SLX9: variants seen among roughly 807,000 people sequenced by gnomAD.
The protein encoded by SLX9 is ribosome biogenesis protein SLX9 homolog.
Under a neutral mutation model 20.8 loss-of-function variants are expected in SLX9, and 19 were observed. The observed-to-expected ratio is 0.91, with a 90% CI of 0.64 to 1.34. SLX9 has a LOEUF of 1.34. Ranked by LOEUF, SLX9 falls within the 40% of genes most tolerant of loss-of-function variation. SLX9 has a pLI of 0.00. For missense variants in SLX9, 299 were observed against 322.2 expected, an observed-to-expected ratio of 0.93 and a Z score of 0.55; for synonymous variants, 113 against 137.1, an observed-to-expected ratio of 0.82 and a Z score of 1.23.
chr21:44,968,753 CT>C lies in SLX9; in HGVS notation c.500+1589del, dbSNP rs35304604. 1.1e-3 allele frequency among the ~76,000 whole-genome samples: 151 copies of C among 132,922 alleles called. 16 individuals are homozygous for C. Among genetic ancestry groups the C allele is most frequent in the Non-Finnish European group, 1.2e-3 (78 of 62,734 alleles). The allele number at this position is 132,922 out of a possible 152,430, so 87.2% of individuals were successfully genotyped here. On this transcript the variant is annotated intron_variant, in intron 4 of 5. Transcript: ENST00000291634. The stretch of plus-strand genomic sequence containing the variant: ...CTCATTCATTTGTGTCATCTCTGTG[CT>C]TTTTTTTTTTTTTTTTGGAGACGGA...
chr21:44,958,711 G>A (rs1427102208), intron 2 of SLX9, among the ~76,000 whole-genome samples: 2 of 152,194 alleles, frequency 1.3e-5, no homozygotes, highest in Non-Finnish European at 2.9e-5. Context: ...TCGTGGGGCC[G>A]CCGCCAGCAG....
rs754429487 is a variant in SLX9 at position 44,943,676 on chromosome 21, G to A, written c.130-8G>A. On this transcript the variant is annotated splice_region_variant and splice_polypyrimidine_tract_variant and intron_variant, in intron 1 of 5. Coordinates refer to ENST00000291634, the MANE Select transcript of SLX9 (RefSeq NM_058190.4). The stretch of plus-strand genomic sequence containing the variant: ...CTTCTTTTCGTCCGTTTTTGTTGGG[G>A]ACATTAGGACTGGGCGTTCATCAAC... 10 of 1,613,056 alleles carry A rather than the reference G, an allele frequency of 6.2e-6. No homozygotes were observed. The highest frequency in any genetic ancestry group is 8.5e-6 in the Non-Finnish European group (10 of 1,179,178).
At chr21:44,946,265 C>T (rs1601374573) in intron 2 of SLX9, among the ~76,000 whole-genome samples, 2 of 150,246 alleles carry the variant, frequency 1.3e-5, no homozygotes, top group Non-Finnish European at 1.5e-5. Context: ...AATTCACATA[C>T]CCTTATTTGT....
intron 2 of SLX9, among the ~76,000 whole-genome samples, chr21:44,952,583 T>G (rs1435368745): frequency 1.3e-5 from 2 of 152,212 alleles, no homozygotes; most frequent in Non-Finnish European, 2.9e-5. Context: ...CAGAGGTCTT[T>G]TGGCCGAGTG....
chr21:44,948,236 C>T lies in SLX9; in HGVS notation c.283+4399C>T, dbSNP rs537610184. 1.0e-3 allele frequency among the ~76,000 whole-genome samples: 152 copies of T among 149,366 alleles called. 1 individual carries two copies. The highest frequency in any genetic ancestry group is 3.7e-3 in the African/African-American group (148 of 40,094). On this transcript the variant is annotated intron_variant, in intron 2 of 5. Coordinates refer to ENST00000291634, the MANE Select transcript of SLX9 (RefSeq NM_058190.4). Reference sequence around the variant, plus strand: ...GTCCGGGAATCTGGTCGTGGAGCATCGGGCGGTCCGGGGAGCTGGTCGTGA... The same window carrying T: ...GTCCGGGAATCTGGTCGTGGAGCATTGGGCGGTCCGGGGAGCTGGTCGTGA...
chr21:44,943,876 C>T (rs1390229503), intron 2 of SLX9, 39 bp downstream of exon 2: 3 of 1,613,156 alleles, frequency 1.9e-6, no homozygotes, highest in Non-Finnish European at 2.5e-6. Context: ...TGATACCCAG[C>T]AGGTCTGGGA....
chr21:44,972,960 G>A (rs7276113), intron 4 of SLX9: 669 of 508,296 alleles, frequency 1.3e-3, no homozygotes, highest in Middle Eastern at 2.1e-3. Flanking sequence ...TCACAGGACG[G>A]TCAGGCAGTT....
At chr21:44,947,340 C>T (rs1157582656) in intron 2 of SLX9, among the ~76,000 whole-genome samples, 2 of 152,234 alleles carry the variant, frequency 1.3e-5, no homozygotes, top group African/African-American at 2.4e-5. Flanking sequence ...TGTGTCTCAT[C>T]GTCCGTGCCC....
intron 5 of SLX9, among the ~76,000 whole-genome samples, chr21:44,976,397 C>T (rs2085263326): frequency 6.6e-6 from 1 of 152,216 alleles, no homozygotes; most frequent in South Asian, 2.1e-4. Flanking sequence ...CCGCGTTTCT[C>T]AGCCTTGGCG....
chr21:44,968,753 CTTTT>C (rs35304604), intron 4 of SLX9, among the ~76,000 whole-genome samples: 3 of 132,944 alleles, frequency 2.3e-5, no homozygotes, highest in Admixed American at 7.7e-5. Context: ...CATCTCTGTG[CTTTT>C]TTTTTTTTTT....
At chr21:44,951,424 A>G (rs1353347393) in intron 2 of SLX9, among the ~76,000 whole-genome samples, 1 of 152,086 alleles carries the variant, frequency 6.6e-6, no homozygotes, top group Non-Finnish European at 1.5e-5. Context: ...TTCAAGTCCC[A>G]GCTCTACCAT....
At chr21:44,968,110 C>T (rs967390156) in intron 4 of SLX9, among the ~76,000 whole-genome samples, 2 of 152,102 alleles carry the variant, frequency 1.3e-5, no homozygotes, top group African/African-American at 4.8e-5. Context: ...CCCCCCTGCC[C>T]TGGGCAAGGC....
At position 44,976,802 on chromosome 21, in the gene SLX9, G is replaced by T; in HGVS notation, c.692G>T (p.Ter231LeuextTer17). ...QMQLEDGGQL[*>L] is the part of the protein sequence containing the mutation. ...CAGCTGGAAGATGGCGGCCAGCTCT[G>T]ACCAGGGCAGCGGGCATGCCACAAC... Residue 231 changes from the stop codon to leucine (L), a stop_lost, in exon 6 of 6, where the codon TGA (stop) becomes TTA (leucine). Transcript: ENST00000291634. 1.3e-6 allele frequency: 2 copies of T among 1,541,796 alleles called. No homozygotes were observed. The highest frequency in any genetic ancestry group is 2.4e-5 in the South Asian group (2 of 84,050).
intron 2 of SLX9, among the ~76,000 whole-genome samples, chr21:44,952,750 C>T (rs1273952855): frequency 2.0e-5 from 3 of 152,124 alleles, no homozygotes; most frequent in Admixed American, 6.5e-5. Context: ...TAGGAGACGG[C>T]GGGGCAGTGT....
chr21:44,941,548 T>C (rs1314168588), intron 1 of SLX9, among the ~76,000 whole-genome samples: 3 of 152,120 alleles, frequency 2.0e-5, no homozygotes, highest in African/African-American at 7.2e-5. Context: ...AAAGCCTCCT[T>C]GGCCAGGGGG....
intron 5 of SLX9, among the ~76,000 whole-genome samples, chr21:44,975,506 C>G (rs1195808243): frequency 3.3e-5 from 5 of 152,240 alleles, no homozygotes; most frequent in Non-Finnish European, 7.4e-5. Flanking sequence ...CCCCGTGCAG[C>G]TTCGCTTCCA....
chr21:44,958,591 G>A (rs1029022918), intron 2 of SLX9, among the ~76,000 whole-genome samples: 3 of 152,250 alleles, frequency 2.0e-5, no homozygotes, highest in Non-Finnish European at 2.9e-5. Flanking sequence ...CTGGATCTCA[G>A]TGAACACCCG....
intron 2 of SLX9, among the ~76,000 whole-genome samples, chr21:44,958,717 A>G (rs923958336): frequency 6.6e-6 from 1 of 152,160 alleles, no homozygotes; most frequent in Non-Finnish European, 1.5e-5. Context: ...GGCCGCCGCC[A>G]GCAGTTCCAG....
At chr21:44,971,305 T>TC (rs2085143546) in intron 4 of SLX9, among the ~76,000 whole-genome samples, 1 of 152,136 alleles carries the variant, frequency 6.6e-6, no homozygotes, top group South Asian at 2.1e-4. Flanking sequence ...TGGAGTCGCG[T>TC]CCCTGCCGGT....
Sources: gnomAD v4.1 joint callset for allele counts (sites outside exome capture counted in the v4.1 genomes callset) on GRCh38, gnomAD v4.1.1 for gene constraint, MANE v1.5 for transcripts, NCBI Gene and HGNC (gene_info 2026-07-23, HGNC 2026-07-21) for gene names.